The following GLIS3 variants were observed in gnomAD, a reference collection of about 807,000 sequenced individuals.
GLIS3 encodes GLIS family zinc finger 3.
GLIS3 carries 53 observed loss-of-function variants against 78.6 expected under a neutral mutation model. That is an observed-to-expected ratio of 0.67 (90% CI 0.54 to 0.85). GLIS3 has a LOEUF of 0.85. Among genes scored for constraint, GLIS3 ranks in the 40% least tolerant of loss-of-function variants. GLIS3 has a pLI of 0.00. For synonymous variants in GLIS3, 684 were observed against 509.9 expected, an observed-to-expected ratio of 1.34 and a Z score of -4.60; for missense variants, 1,703 against 1,231.1, an observed-to-expected ratio of 1.38 and a Z score of -5.74.
intron 2 of GLIS3, among the ~76,000 whole-genome samples, chr9:4,313,183 T>C (rs1192315711): frequency 1.3e-5 from 2 of 152,170 alleles, no homozygotes; most frequent in African/African-American, 2.4e-5. Flanking sequence ...GCCTGGCACA[T>C]AGTAGGTGTA....
intron 2 of GLIS3, among the ~76,000 whole-genome samples, chr9:4,162,466 C>A (rs1211280435): frequency 2.0e-5 from 3 of 152,066 alleles, no homozygotes; most frequent in African/African-American, 4.8e-5. Context: ...ATTACCCAAG[C>A]AAGAACAATG....
At chr9:4,291,268 C>T (rs6476842) in intron 1 of GLIS3, among the ~76,000 whole-genome samples, 55,516 of 151,906 alleles carry the variant, frequency 0.37, 11,621 homozygotes, top group Non-Finnish European at 0.47. Context: ...GTTATACCAA[C>T]TGAAGACAAA....
intron 2 of GLIS3, among the ~76,000 whole-genome samples, chr9:4,315,111 C>G (rs1817418226): frequency 6.6e-6 from 1 of 152,240 alleles, no homozygotes; most frequent in African/African-American, 2.4e-5. Context: ...GGAGATACAA[C>G]TCCCACCAAA....
At chr9:4,408,944 C>T in the GLIS3 span, among the ~76,000 whole-genome samples, 1 of 151,704 alleles carries the variant, frequency 6.6e-6, no homozygotes. Context: ...CAAAATATCT[C>T]ATATACCCCA....
the GLIS3 span, among the ~76,000 whole-genome samples, chr9:4,414,874 T>G: frequency 1.3e-5 from 2 of 152,148 alleles, no homozygotes; most frequent in African/African-American, 4.8e-5. Context: ...TAGGTCAGTT[T>G]AGCTAAAATC....
At chr9:4,174,552 T>C (rs573154367) in intron 2 of GLIS3, among the ~76,000 whole-genome samples, 2 of 152,342 alleles carry the variant, frequency 1.3e-5, no homozygotes, top group East Asian at 3.9e-4. Context: ...CAAAAAATGA[T>C]TCCTATATAT....
At position 3,932,351 on chromosome 9, in the gene GLIS3, T is replaced by G. The variant is rs1188008630; in HGVS notation, c.1983+9A>C. Reference sequence around the variant, plus strand: ...TTTTCCCGACTGGAAGATTCTCTTTTAAAATTACCTTTTTCCTTGCTTGTT... The same window carrying G: ...TTTTCCCGACTGGAAGATTCTCTTTGAAAATTACCTTTTTCCTTGCTTGTT... On this transcript the variant is annotated intron_variant, in intron 6 of 10. Coordinates refer to ENST00000381971, the MANE Select transcript of GLIS3 (RefSeq NM_001042413.2). The G allele has an allele frequency of 6.2e-7, 1 of 1,600,674 alleles. No individual in the cohort carries two copies. The highest frequency in any genetic ancestry group is 8.6e-7 in the Non-Finnish European group (1 of 1,167,832).
intron 4 of GLIS3, among the ~76,000 whole-genome samples, chr9:4,022,820 G>A (rs2130166959): frequency 6.6e-6 from 1 of 152,316 alleles, no homozygotes; most frequent in Middle Eastern, 3.4e-3. Flanking sequence ...CCAGACACAA[G>A]AAAGTATACA....
rs148160187 is a variant in GLIS3, at chr9:4,265,897, G to GT, written c.388+20140dup. 7.5e-3 allele frequency among the ~76,000 whole-genome samples: 904 copies of GT among 120,714 alleles called. 7 individuals are homozygous for GT. Among genetic ancestry groups the GT allele is most frequent in the Middle Eastern group, 0.02 (5 of 250 alleles). 79.2% of individuals were successfully genotyped at this position (120,714 alleles called of 152,430 possible). ...GTTTTAGTAAAATGCACTCACCCTG[G>GT]TTTTTTTTTTGTTTGTCTGTTTGTT... On this transcript the variant is annotated intron_variant, in intron 2 of 10. Transcript: ENST00000381971.
Position 3,928,774 on chromosome 9 carries a change from G to A in GLIS3, c.1983+3586C>T, listed in dbSNP as rs115976114. Among the ~76,000 whole-genome samples the A allele has an allele frequency of 1.8e-3, 276 of 152,328 alleles. 1 individual carries two copies. Among genetic ancestry groups the A allele is most frequent in the African/African-American group, 5.8e-3 (241 of 41,566 alleles). On this transcript the variant is annotated intron_variant, in intron 6 of 10. Transcript: ENST00000381971. ...GAGGTCACAAAAGTGAAAGCCATCAGCCACAGTGGATCATAGGTCAATGTT... is the reference window on the plus strand; with the variant it reads ...GAGGTCACAAAAGTGAAAGCCATCAACCACAGTGGATCATAGGTCAATGTT...
At chr9:4,315,513 C>A (rs986840510) in intron 2 of GLIS3, among the ~76,000 whole-genome samples, 1 of 152,144 alleles carries the variant, frequency 6.6e-6, no homozygotes, top group African/African-American at 2.4e-5. Flanking sequence ...TAAATTGATT[C>A]AAACCCTTCT....
intron 4 of GLIS3, among the ~76,000 whole-genome samples, chr9:4,017,456 G>C (rs899026407): frequency 2.6e-5 from 4 of 151,968 alleles, no homozygotes; most frequent in Non-Finnish European, 5.9e-5. Context: ...ACACACACAT[G>C]AGCGCGCGTA....
At chr9:4,307,968 AG>A (rs1329230916) in intron 4 of GLIS3, among the ~76,000 whole-genome samples, 1 of 152,188 alleles carries the variant, frequency 6.6e-6, no homozygotes, top group Admixed American at 6.5e-5. Context: ...TTGTGACAGC[AG>A]CAACAGAAAA....
chr9:3,892,315 C>G (rs776512264), intron 7 of GLIS3, among the ~76,000 whole-genome samples: 1 of 152,178 alleles, frequency 6.6e-6, no homozygotes, highest in Non-Finnish European at 1.5e-5. Flanking sequence ...AAGAAGGCAG[C>G]TGCAACTTCT....
chr9:4,332,247 A>C (rs1817697727), intron 2 of GLIS3, among the ~76,000 whole-genome samples: 1 of 152,124 alleles, frequency 6.6e-6, no homozygotes. Context: ...GTCAACATTC[A>C]CTGATAGCGC....
At chr9:4,082,843 A>C (rs1026847251) in intron 4 of GLIS3, among the ~76,000 whole-genome samples, 1 of 152,202 alleles carries the variant, frequency 6.6e-6, no homozygotes, top group Non-Finnish European at 1.5e-5. Context: ...TTCGAAACAG[A>C]CTTAAGATGG....
At position 3,946,091 on chromosome 9, in the gene GLIS3, T is replaced by G. The variant is rs184357018; in HGVS notation, c.1711-8902A>C. On this transcript the variant is annotated intron_variant, in intron 4 of 10. Transcript: ENST00000381971. ...CCTTTAGCTTGGTGCCATCTCCTCT[T>G]GGAAGCCTTCCTTTAGGCTTCTGCC... Among the ~76,000 whole-genome samples, 191 of 152,372 alleles carry G rather than the reference T, an allele frequency of 1.3e-3. 2 individuals are homozygous for G. Among genetic ancestry groups the G allele is most frequent in the African/African-American group, 4.4e-3 (182 of 41,598 alleles).
chr9:4,393,723 T>G, the GLIS3 span, among the ~76,000 whole-genome samples: 1 of 152,228 alleles, frequency 6.6e-6, no homozygotes, highest in Non-Finnish European at 1.5e-5. Flanking sequence ...GCAGGAAAAC[T>G]GAAGAAGTAA....
chr9:4,363,483 T>C, the GLIS3 span, among the ~76,000 whole-genome samples: 6 of 152,210 alleles, frequency 3.9e-5, no homozygotes, highest in African/African-American at 1.4e-4. Context: ...GGATAAGTGA[T>C]TAAAATTAAC....
Sources: allele counts gnomAD v4.1 joint callset (sites outside exome capture counted in the v4.1 genomes callset), GRCh38; gene constraint gnomAD v4.1.1; transcripts MANE v1.5; gene names NCBI Gene and HGNC (gene_info 2026-07-23, HGNC 2026-07-21).